ASRGL1: variants seen among roughly 807,000 people sequenced by gnomAD.
ASRGL1 encodes asparaginase and isoaspartyl peptidase 1, also known as isoaspartyl peptidase/L-asparaginase.
A neutral mutation model predicts 22.4 loss-of-function variants in ASRGL1; 16 were observed. That is an observed-to-expected ratio of 0.71 (90% CI 0.48 to 1.08). ASRGL1 has a LOEUF of 1.08. ASRGL1 is among the 50% of genes least tolerant of loss of function. The probability of loss-of-function intolerance (pLI) is 0.00; values close to 1 mark genes in which losing one functional copy is unlikely to be tolerated. For synonymous variants in ASRGL1, 165 were observed against 159.3 expected (o/e 1.04, Z -0.27); for missense variants, 412 against 410.1 (o/e 1.00, Z -0.04).
At chr11:62,395,264 G>A (rs554376976), downstream of ASRGL1, among the ~76,000 whole-genome samples, 7 of 152,258 alleles carry the variant, frequency 4.6e-5, no homozygotes, top group East Asian at 1.9e-4. Flanking sequence ...CAGATCCCAC[G>A]GTGAACAAGC....
downstream of ASRGL1, among the ~76,000 whole-genome samples, chr11:62,393,960 A>G (rs1947396397): frequency 6.7e-6 from 1 of 149,546 alleles, no homozygotes; most frequent in Non-Finnish European, 1.5e-5. Context: ...CTGTCTCTAT[A>G]TGTCCTAATC....
Position 62,392,567 on chromosome 11 carries a change from TCA to T in ASRGL1, c.*284_*285del. ...CTGGGCAACAGAGCCAGGCCCTGTA[TCA>T]AAAAAAAAAAAAAAAAGAAAAGGGA... On this transcript the variant is annotated 3_prime_UTR_variant, in exon 7 of 7. Coordinates refer to ENST00000415229, the MANE Select transcript of ASRGL1 (RefSeq NM_001083926.2). 2 of 244,442 alleles carry T rather than the reference TCA, an allele frequency of 8.2e-6. No individual in the cohort carries two copies. The highest frequency in any genetic ancestry group is 1.5e-5 in the Non-Finnish European group (2 of 136,838). The allele number at this position is 244,442 out of a possible 1,614,324, so 15.1% of individuals were successfully genotyped here. A position where few individuals can be genotyped will look rare whatever the true frequency, so the allele number is the denominator to read the frequency against.
At chr11:62,358,240 C>T (rs560723707) in intron 4 of ASRGL1, among the ~76,000 whole-genome samples, 6 of 152,106 alleles carry the variant, frequency 3.9e-5, no homozygotes, top group East Asian at 1.9e-4. Context: ...CATGATGGTG[C>T]GTGCCTGTAA....
At chr11:62,340,281 T>C (rs1448361751) in intron 2 of ASRGL1, among the ~76,000 whole-genome samples, 1 of 152,040 alleles carries the variant, frequency 6.6e-6, no homozygotes. Flanking sequence ...GAAAATAAAA[T>C]TAAGTTCATC....
intron 4 of ASRGL1, among the ~76,000 whole-genome samples, chr11:62,365,758 A>T (rs1223532373): frequency 2.6e-5 from 4 of 152,002 alleles, no homozygotes; most frequent in Non-Finnish European, 5.9e-5. Context: ...GCTGAAGCAG[A>T]GAATTCCTTA....
chr11:62,396,870 T>G (rs1377883471), downstream of ASRGL1, among the ~76,000 whole-genome samples: 1 of 152,072 alleles, frequency 6.6e-6, no homozygotes, highest in Admixed American at 6.6e-5. Context: ...AGATAAGTGT[T>G]AGAGTTCTTA....
Position 62,337,910 on chromosome 11 carries a change from C to A in ASRGL1, c.-68C>A. ...CACAGGGTCTCCCGAGGACCTTGTACCCGCGCGGCTTCCTTGGGCTGGCTT... is the reference window on the plus strand; with the variant it reads ...CACAGGGTCTCCCGAGGACCTTGTAACCGCGCGGCTTCCTTGGGCTGGCTT... On this transcript the variant is annotated 5_prime_UTR_variant, in exon 2 of 7. Coordinates refer to ENST00000415229, the MANE Select transcript of ASRGL1 (RefSeq NM_001083926.2). The A allele has an allele frequency of 1.3e-6, 2 of 1,513,012 alleles. No individual in the cohort carries two copies. Among genetic ancestry groups the A allele is most frequent in the Non-Finnish European group, 1.8e-6 (2 of 1,123,846 alleles). The allele number at this position is 1,513,012 out of a possible 1,614,324, so 93.7% of individuals were successfully genotyped here. A position where few individuals can be genotyped will look rare whatever the true frequency, so the allele number is the denominator to read the frequency against.
intron 2 of ASRGL1, among the ~76,000 whole-genome samples, chr11:62,344,132 G>A (rs1317321042): frequency 6.6e-6 from 1 of 151,758 alleles, no homozygotes; most frequent in Non-Finnish European, 1.5e-5. Context: ...TCCTGACCTC[G>A]TGATCCACAC....
At chr11:62,395,759 C>CTTTTTTTTTTTTTTT (rs564952668), downstream of ASRGL1, among the ~76,000 whole-genome samples, 3 of 71,942 alleles carry the variant, frequency 4.2e-5, no homozygotes, top group Non-Finnish European at 5.2e-5. Context: ...GTAGCTGTTT[C>CTTTTTTTTTTTTTTT]TTTTTTTTTT....
intron 4 of ASRGL1, among the ~76,000 whole-genome samples, chr11:62,363,163 G>A (rs1046941769): frequency 1.3e-4 from 20 of 151,506 alleles, no homozygotes; most frequent in African/African-American, 4.8e-4. Context: ...TCAATCTCCT[G>A]ACCTGATGAT....
intron 2 of ASRGL1, among the ~76,000 whole-genome samples, chr11:62,347,795 G>A (rs758905410): frequency 6.6e-6 from 1 of 152,120 alleles, no homozygotes; most frequent in Non-Finnish European, 1.5e-5. Flanking sequence ...GCCGGGCATG[G>A]TGGCTCCTGT....
chr11:62,382,950 A>G (rs1947109325), intron 4 of ASRGL1: 1 of 152,304 alleles, frequency 6.6e-6, no homozygotes, highest in South Asian at 2.1e-4. Flanking sequence ...CGTCTCTGCG[A>G]CACAGGGTTG....
chr11:62,372,857 T>C, intron 4 of ASRGL1: 4 of 1,603,248 alleles, frequency 2.5e-6, no homozygotes, highest in Non-Finnish European at 3.4e-6. Context: ...CCCATGAATC[T>C]ACCATGTACC....
the ASRGL1 span, among the ~76,000 whole-genome samples, chr11:62,400,225 G>A: frequency 6.6e-6 from 1 of 152,174 alleles, no homozygotes; most frequent in Admixed American, 6.5e-5. Context: ...CTCCAGAAAT[G>A]CCTTTCCTCC....
intron 4 of ASRGL1, among the ~76,000 whole-genome samples, chr11:62,358,362 T>C (rs1419875333): frequency 9.6e-6 from 1 of 103,682 alleles, no homozygotes; most frequent in African/African-American, 3.7e-5. Flanking sequence ...AAAGCGAGAC[T>C]CCGTCTCAGA....
chr11:62,366,339 C>T (rs1017657031), intron 4 of ASRGL1, among the ~76,000 whole-genome samples: 53 of 145,896 alleles, frequency 3.6e-4, no homozygotes, highest in Non-Finnish European at 6.4e-4. Context: ...GATACATTTA[C>T]CACAGTAACA....
intron 2 of ASRGL1, 46 bp from the exon 3 acceptor site, chr11:62,356,279 G>T (rs374595582): frequency 6.2e-7 from 1 of 1,606,378 alleles, no homozygotes; most frequent in Non-Finnish European, 8.5e-7. Flanking sequence ...TCCCGGACGG[G>T]GCGTAAATTC....
chr11:62,367,337 CAAA>C (rs746980862), intron 4 of ASRGL1, among the ~76,000 whole-genome samples: 1 of 125,346 alleles, frequency 8.0e-6, no homozygotes. Context: ...AACTCTGTCT[CAAA>C]AAAAAAAAAG....
rs770073190 is a variant in ASRGL1 at position 62,357,108 on chromosome 11, A to G, written c.455A>G (p.Lys152Arg). The G allele has an allele frequency of 1.3e-5, 21 of 1,613,928 alleles. No individual in the cohort carries two copies. The highest frequency in any genetic ancestry group is 1.8e-5 in the Non-Finnish European group (21 of 1,180,008). ...AACAAAAAGCGCCTGGAAAAAGAGA[A>G]GCATGAAAAAGGTGCTCAGAAAACA... Reference protein sequence around the residue: ...ERNKKRLEKEKHEKGAQKTDC... With the variant: ...ERNKKRLEKERHEKGAQKTDC... The change falls in exon 4 of 7, where the codon AAG (lysine) becomes AGG (arginine). Residue 152 changes from lysine (K) to arginine (R), a missense_variant. Coordinates refer to ENST00000415229, the MANE Select transcript of ASRGL1 (RefSeq NM_001083926.2).
Sources: gnomAD v4.1 joint callset for allele counts (sites outside exome capture counted in the v4.1 genomes callset) on GRCh38, gnomAD v4.1.1 for gene constraint, MANE v1.5 for transcripts, NCBI Gene and HGNC (gene_info 2026-07-23, HGNC 2026-07-21) for gene names.